The following SLC6A13 variants were observed in gnomAD, a reference collection of about 807,000 sequenced individuals.
The protein encoded by SLC6A13 is solute carrier family 6 member 13.
A neutral mutation model predicts 72.9 loss-of-function variants in SLC6A13; 69 were observed. That is an observed-to-expected ratio of 0.95 (90% CI 0.78 to 1.16). The LOEUF is 1.16. Among genes scored for constraint, SLC6A13 ranks in the 50% most tolerant of loss-of-function variants. The probability of loss-of-function intolerance (pLI) is 0.00; values close to 1 mark genes in which losing one functional copy is unlikely to be tolerated. For missense variants in SLC6A13, 735 were observed against 760.5 expected, an observed-to-expected ratio of 0.97 and a Z score of 0.39; for synonymous variants, 303 against 303.0, an observed-to-expected ratio of 1.00 and a Z score of 0.00.
chr12:236,033 G>T (rs1290682641), intron 6 of SLC6A13, among the ~76,000 whole-genome samples: 1 of 152,164 alleles, frequency 6.6e-6, no homozygotes, highest in Admixed American at 6.5e-5. Flanking sequence ...TGTTATTTAA[G>T]ATGTTTATCA....
chr12:235,114 G>A lies in SLC6A13; in HGVS notation c.807C>T (p.Asn269=), dbSNP rs543156830. 3.1e-6 allele frequency: 5 copies of A among 1,614,228 alleles called. No homozygotes were observed. The African/African-American group carries it at 5.3e-5, about 17-fold the overall frequency. The change falls in exon 7 of 15, where the codon AAC becomes AAT. Residue 269 remains asparagine, a synonymous_variant. Coordinates refer to ENST00000343164, the MANE Select transcript of SLC6A13 (RefSeq NM_016615.5). Reference sequence around the variant, plus strand: ...CCTGGGGATCCCACAGACGCGTGAGGTTTGGGTACAGGTAAAACTGAATTC... The same window carrying A: ...CCTGGGGATCCCACAGACGCGTGAGATTTGGGTACAGGTAAAACTGAATTC... ...AQGIQFYLYP[N]LTRLWDPQVW...
intron 1 of SLC6A13, among the ~76,000 whole-genome samples, chr12:261,936 A>G (rs1942939562): frequency 1.2e-5 from 1 of 84,816 alleles, no homozygotes; most frequent in South Asian, 3.0e-4. Flanking sequence ...AAAAAAAAGA[A>G]AAAAAAAAAA....
At chr12:242,097 G>A (rs1374102559) in intron 4 of SLC6A13, among the ~76,000 whole-genome samples, 4 of 152,182 alleles carry the variant, frequency 2.6e-5, no homozygotes, top group South Asian at 2.1e-4. Flanking sequence ...TGCCAACAAC[G>A]CGTTTCTCAG....
At chr12:246,916 G>A (rs1047335316) in intron 2 of SLC6A13, among the ~76,000 whole-genome samples, 1 of 150,992 alleles carries the variant, frequency 6.6e-6, no homozygotes, top group African/African-American at 2.4e-5. Context: ...GCTGAGGCAG[G>A]AGAATCACTT....
intron 7 of SLC6A13, among the ~76,000 whole-genome samples, chr12:229,841 G>A (rs966733195): frequency 6.6e-6 from 1 of 152,216 alleles, no homozygotes; most frequent in Non-Finnish European, 1.5e-5. Flanking sequence ...GCTTGGGAAG[G>A]AATAATAAGA....
intron 2 of SLC6A13, among the ~76,000 whole-genome samples, chr12:246,120 A>C (rs368661751): frequency 2.4e-5 from 2 of 83,572 alleles, no homozygotes; most frequent in African/African-American, 8.1e-5. Flanking sequence ...TCCATCTCAA[A>C]AAATAAAAGT....
intron 2 of SLC6A13, among the ~76,000 whole-genome samples, chr12:255,494 G>C (rs947169401): frequency 2.0e-5 from 3 of 152,220 alleles, no homozygotes; most frequent in African/African-American, 7.2e-5. Context: ...TCAGGAGTTC[G>C]AGACCAGCCT....
intron 7 of SLC6A13, among the ~76,000 whole-genome samples, chr12:229,625 C>G (rs944131906): frequency 5.9e-5 from 9 of 152,198 alleles, no homozygotes; most frequent in African/African-American, 1.9e-4. Context: ...CGGGTACTGC[C>G]CCTTCATGAG....
chr12:255,464 G>A (rs1314375152), intron 2 of SLC6A13, among the ~76,000 whole-genome samples: 1 of 152,224 alleles, frequency 6.6e-6, no homozygotes, highest in Non-Finnish European at 1.5e-5. Context: ...GGGAGGCCAA[G>A]GTGGGCAGAT....
chr12:251,051 G>A (rs534387476), intron 2 of SLC6A13, among the ~76,000 whole-genome samples: 2 of 151,668 alleles, frequency 1.3e-5, no homozygotes, highest in East Asian at 1.9e-4. Context: ...AGCTACTCGC[G>A]AGGCTGAGGC....
At chr12:242,563 T>A (rs749508441) in intron 4 of SLC6A13, 51 bp downstream of exon 4, 6 of 1,571,196 alleles carry the variant, frequency 3.8e-6, no homozygotes, top group Non-Finnish European at 5.2e-6. Context: ...CCAATTCCGG[T>A]TAATGTGGCA....
intron 6 of SLC6A13, among the ~76,000 whole-genome samples, chr12:236,255 C>T (rs964418152): frequency 6.6e-6 from 1 of 152,166 alleles, no homozygotes; most frequent in African/African-American, 2.4e-5. Context: ...CCTGTTCTTA[C>T]ACCCCCTCCC....
In SLC6A13 at chr12:244,655, C is replaced by T. The variant is rs139101647; in HGVS notation, c.203-842G>A. Reference sequence around the variant, plus strand: ...CAGTGAGCTGTGATTGTGCCACTGCCCTCCCTCCAACCTGGGTGACAGAGC... The same window carrying T: ...CAGTGAGCTGTGATTGTGCCACTGCTCTCCCTCCAACCTGGGTGACAGAGC... On this transcript the variant is annotated intron_variant, in intron 2 of 14. Transcript: ENST00000343164. Among the ~76,000 whole-genome samples, 18 of 152,060 alleles carry T rather than the reference C, an allele frequency of 1.2e-4. No homozygotes were observed. The East Asian group carries it at 2.7e-3, about 23-fold the overall frequency.
rs17851999 is a variant in SLC6A13 at position 221,037 on chromosome 12, G to A, written c.1720C>T (p.Leu574=). The A allele has an allele frequency of 2.5e-6, 4 of 1,611,100 alleles. No individual in the cohort carries two copies. In the East Asian group the frequency reaches 8.9e-5, roughly 36 times the overall value. Residue 574 remains leucine, a synonymous_variant, in exon 15 of 15, where the codon CTG becomes TTG. Transcript: ENST00000343164. ...IRQLMCPAED[L]PQRNPAGPSA... ...GGTCCTGCTGGGTTCCGCTGGGGCA[G>A]GTCCTCGGCTGGGCACATGAGCTGA...
intron 13 of SLC6A13, among the ~76,000 whole-genome samples, chr12:222,191 G>A (rs1357516848): frequency 4.6e-5 from 7 of 152,214 alleles, no homozygotes; most frequent in Non-Finnish European, 8.8e-5. Flanking sequence ...CACAAAGTCA[G>A]GGCTCTATAC....
intron 7 of SLC6A13, among the ~76,000 whole-genome samples, chr12:228,413 C>T (rs1941559325): frequency 6.6e-6 from 1 of 152,156 alleles, no homozygotes; most frequent in Non-Finnish European, 1.5e-5. Context: ...GCTCCTGCCC[C>T]TGGCGACGTG....
intron 7 of SLC6A13, among the ~76,000 whole-genome samples, chr12:232,637 C>T (rs774449113): frequency 2.6e-5 from 4 of 152,208 alleles, no homozygotes; most frequent in Non-Finnish European, 5.9e-5. Context: ...AAAGCCTGAC[C>T]GCTGCCCTCG....
intron 7 of SLC6A13, among the ~76,000 whole-genome samples, chr12:231,897 A>G (rs1941723178): frequency 6.6e-6 from 1 of 152,246 alleles, no homozygotes; most frequent in Admixed American, 6.5e-5. Context: ...CTGTGAGAGA[A>G]ACAAAGGTGA....
chr12:223,693 AT>A (rs1941315659), intron 11 of SLC6A13: 1 of 394,366 alleles, frequency 2.5e-6, no homozygotes, highest in South Asian at 3.8e-5. Context: ...TGCCTGGGAA[AT>A]CACCAGATCT....
Sources: allele counts gnomAD v4.1 joint callset (sites outside exome capture counted in the v4.1 genomes callset), GRCh38; gene constraint gnomAD v4.1.1; transcripts MANE v1.5; gene names NCBI Gene and HGNC (gene_info 2026-07-23, HGNC 2026-07-21).